Variants in SLC24A2 observed in about 807,000 individuals in gnomAD.
SLC24A2 encodes the protein sodium/potassium/calcium exchanger 2.
Under a neutral mutation model 62.0 loss-of-function variants are expected in SLC24A2, and 36 were observed. The observed-to-expected ratio is 0.58, with a 90% confidence interval of 0.44 to 0.77. The LOEUF (loss-of-function observed/expected upper bound fraction) is 0.77. SLC24A2 is among the 30% of genes least tolerant of loss of function. The pLI, the probability that SLC24A2 is intolerant of heterozygous loss-of-function variation, is 0.00. For synonymous variants in SLC24A2, 358 were observed against 294.0 expected (o/e 1.22, Z -2.23); for missense variants, 846 against 817.9 (o/e 1.03, Z -0.42).
At chr9:19,799,813 G>GT in the SLC24A2 span, among the ~76,000 whole-genome samples, 32 of 152,056 alleles carry the variant, frequency 2.1e-4, no homozygotes, top group Admixed American at 1.9e-3. Flanking sequence ...ATCATACTCT[G>GT]TTTTTTTAAT....
At chr9:19,711,653 T>A (rs1002229726) in intron 2 of SLC24A2, among the ~76,000 whole-genome samples, 1 of 152,246 alleles carries the variant, frequency 6.6e-6, no homozygotes, top group Non-Finnish European at 1.5e-5. Flanking sequence ...TCAAAGCACA[T>A]ACCATACAAT....
chr9:19,527,971 G>A, intron 9 of SLC24A2, 78 bp downstream of exon 9: 2 of 912,974 alleles, frequency 2.2e-6, no homozygotes, highest in Non-Finnish European at 1.8e-6. Flanking sequence ...GTTGCAGAAA[G>A]CAAACACAAT....
chr9:20,197,235 T>C, the SLC24A2 span, among the ~76,000 whole-genome samples: 1 of 152,182 alleles, frequency 6.6e-6, no homozygotes, highest in Non-Finnish European at 1.5e-5. Flanking sequence ...AGTTCCTTTA[T>C]ATAGAGAGGA....
At chr9:20,144,475 CTGTT>C in the SLC24A2 span, among the ~76,000 whole-genome samples, 1 of 152,178 alleles carries the variant, frequency 6.6e-6, no homozygotes, top group African/African-American at 2.4e-5. Context: ...TCCTGTCGGG[CTGTT>C]TATTTAGACT....
chr9:20,049,323 C>A, the SLC24A2 span, among the ~76,000 whole-genome samples: 100 of 152,304 alleles, frequency 6.6e-4, 1 homozygote, highest in African/African-American at 2.3e-3. Flanking sequence ...GTGTAACACT[C>A]CACTGAGTGA....
chr9:19,834,756 T>C, the SLC24A2 span, among the ~76,000 whole-genome samples: 4 of 151,890 alleles, frequency 2.6e-5, no homozygotes, highest in Non-Finnish European at 4.4e-5. Flanking sequence ...GAAGAGCAAC[T>C]CCAAGACACA....
chr9:19,811,021 C>T, the SLC24A2 span, among the ~76,000 whole-genome samples: 1 of 152,162 alleles, frequency 6.6e-6, no homozygotes, highest in African/African-American at 2.4e-5. Context: ...ATGTATCTTT[C>T]AAATAAGTTA....
chr9:20,062,280 G>A, the SLC24A2 span, among the ~76,000 whole-genome samples: 1 of 152,012 alleles, frequency 6.6e-6, no homozygotes, highest in South Asian at 2.1e-4. Flanking sequence ...CATGGTAAAG[G>A]TACCAAAACA....
chr9:20,063,305 G>T, the SLC24A2 span, among the ~76,000 whole-genome samples: 79,790 of 148,324 alleles, frequency 0.54, 22,840 homozygotes, highest in East Asian at 0.77. Flanking sequence ...TGGAATACTA[G>T]GCAGCCATCA....
At position 19,708,026 on chromosome 9, in the gene SLC24A2, C is replaced by A. The variant is rs1820587878; in HGVS notation, c.930+77911G>T. Among the ~76,000 whole-genome samples, 4 of 152,300 alleles carry A rather than the reference C, an allele frequency of 2.6e-5. 1 individual carries two copies. The South Asian group carries it at 8.3e-4, about 32-fold the overall frequency. On this transcript the variant is annotated intron_variant, in intron 2 of 10. Coordinates refer to ENST00000341998, the MANE Select transcript of SLC24A2 (RefSeq NM_020344.4). ...AAACCCCATTGTCTCAGCCCTAAAT[C>A]TCCTTAAGCTGATAAGCAAATTCAG...
intron 8 of SLC24A2, among the ~76,000 whole-genome samples, chr9:19,543,745 TGA>T (rs1444169549): frequency 1.3e-5 from 2 of 152,168 alleles, no homozygotes; most frequent in African/African-American, 4.8e-5. Flanking sequence ...CAGTTTTGAG[TGA>T]GTTTCTTAAT....
intron 2 of SLC24A2, among the ~76,000 whole-genome samples, chr9:19,652,320 G>A (rs906825069): frequency 6.6e-6 from 1 of 152,142 alleles, no homozygotes; most frequent in Non-Finnish European, 1.5e-5. Flanking sequence ...AGAAACCTGT[G>A]AATATGTTTG....
chr9:20,232,514 T>C, the SLC24A2 span, among the ~76,000 whole-genome samples: 1 of 152,218 alleles, frequency 6.6e-6, no homozygotes, highest in African/African-American at 2.4e-5. Context: ...TTTTGTAGTT[T>C]ATTTGCGTAG....
At chr9:19,997,795 A>C in the SLC24A2 span, among the ~76,000 whole-genome samples, 1 of 152,340 alleles carries the variant, frequency 6.6e-6, no homozygotes, top group African/African-American at 2.4e-5. Flanking sequence ...TTATTTGCCA[A>C]TGAAACTGTA....
the SLC24A2 span, among the ~76,000 whole-genome samples, chr9:20,071,566 A>T: frequency 2.0e-5 from 3 of 152,184 alleles, no homozygotes; most frequent in South Asian, 6.2e-4. Context: ...TAATCCTCAG[A>T]ATTTATAAAT....
intron 2 of SLC24A2, among the ~76,000 whole-genome samples, chr9:19,624,145 T>G (rs969982173): frequency 1.3e-5 from 2 of 152,180 alleles, no homozygotes; most frequent in Non-Finnish European, 2.9e-5. Context: ...GGCCTCACAG[T>G]CTACAGGGCA....
chr9:19,898,888 G>A, the SLC24A2 span, among the ~76,000 whole-genome samples: 9 of 152,120 alleles, frequency 5.9e-5, no homozygotes, highest in Admixed American at 1.3e-4. Flanking sequence ...TTTATTCCAG[G>A]TTATTAGGTG....
the SLC24A2 span, among the ~76,000 whole-genome samples, chr9:20,124,107 G>C: frequency 6.6e-6 from 1 of 152,130 alleles, no homozygotes; most frequent in Non-Finnish European, 1.5e-5. Context: ...TTGATACAAT[G>C]GTGGACACCT....
At chr9:20,101,720 G>A in the SLC24A2 span, among the ~76,000 whole-genome samples, 1 of 151,976 alleles carries the variant, frequency 6.6e-6, no homozygotes, top group Non-Finnish European at 1.5e-5. Context: ...ACTTCAAATG[G>A]TATCAACTCA....
Sources: allele counts gnomAD v4.1 joint callset (sites outside exome capture counted in the v4.1 genomes callset), GRCh38; gene constraint gnomAD v4.1.1; transcripts MANE v1.5; gene names NCBI Gene and HGNC (gene_info 2026-07-23, HGNC 2026-07-21).